DSCAML1: variants seen among roughly 807,000 people sequenced by gnomAD.
DSCAML1 encodes DS cell adhesion molecule like 1.
Under a neutral mutation model 200.5 loss-of-function variants are expected in DSCAML1, and 38 were observed. That is an observed-to-expected ratio of 0.19 (90% CI 0.15 to 0.25). The LOEUF (loss-of-function observed/expected upper bound fraction) is 0.25. Ranked by LOEUF, DSCAML1 falls within the 10% of genes least tolerant of loss-of-function variation. DSCAML1 has a pLI of 1.00. For missense variants in DSCAML1, 2,223 were observed against 2,858.8 expected (o/e 0.78, Z 5.07); for synonymous variants, 1,215 against 1,165.0 (o/e 1.04, Z -0.87).
chr11:117,768,599 C>T (rs77735655), intron 3 of DSCAML1, among the ~76,000 whole-genome samples: 3,612 of 152,278 alleles, frequency 0.024, 145 homozygotes, highest in African/African-American at 0.081. Flanking sequence ...GGCAATTTCT[C>T]TGATGCATTT....
Position 117,626,210 on chromosome 11 carries a change from TC to T in DSCAML1, c.512-93689del, listed in dbSNP as rs1334310658. Among the ~76,000 whole-genome samples, 247 of 115,534 alleles carry T rather than the reference TC, an allele frequency of 2.1e-3. 1 individual carries two copies. Among genetic ancestry groups the T allele is most frequent in the African/African-American group, 7.6e-3 (237 of 31,342 alleles). 75.8% of individuals were successfully genotyped at this position (115,534 alleles called of 152,430 possible). On this transcript the variant is annotated intron_variant, in intron 3 of 32. Transcript: ENST00000651296. ...CCACTCTTGCTGAGACCCCCCCCCC[TC>T]CTTCTTCTGGCATGAGACCTGGTCA... is the stretch of plus-strand genomic sequence containing the variant.
At chr11:117,773,532 C>CACACACACACACAA (rs1286717951) in intron 3 of DSCAML1, among the ~76,000 whole-genome samples, 1 of 85,512 alleles carries the variant, frequency 1.2e-5, no homozygotes. Context: ...TCAAAATGCA[C>CACACACACACACAA]ACACACACAC....
intron 3 of DSCAML1, among the ~76,000 whole-genome samples, chr11:117,603,995 C>A (rs773840592): frequency 6.6e-6 from 1 of 152,236 alleles, no homozygotes; most frequent in African/African-American, 2.4e-5. Flanking sequence ...GCTGGGCAGA[C>A]GACTTGGCCA....
At chr11:117,451,656 A>T (rs1392801393) in intron 19 of DSCAML1, among the ~76,000 whole-genome samples, 5 of 152,124 alleles carry the variant, frequency 3.3e-5, no homozygotes, top group Non-Finnish European at 7.4e-5. Flanking sequence ...CTCTATAAAA[A>T]ATACAAAAAT....
rs148039936 is a variant in DSCAML1, at chr11:117,562,689, C to T, written c.512-30167G>A. ...ATGAATGAATGAACAAATGAATGAA[C>T]GAATGAAGGTGCTTAACTTTTCTCC... is the stretch of plus-strand genomic sequence containing the variant. On this transcript the variant is annotated intron_variant, in intron 3 of 32. Coordinates refer to ENST00000651296, the MANE Select transcript of DSCAML1 (RefSeq NM_020693.4). Among the ~76,000 whole-genome samples, 12 of 152,280 alleles carry T rather than the reference C, an allele frequency of 7.9e-5. No homozygotes were observed. In the East Asian group the frequency reaches 2.1e-3, roughly 27 times the overall value.
chr11:117,805,949 C>T (rs920619579), intron 1 of DSCAML1, among the ~76,000 whole-genome samples: 13 of 152,188 alleles, frequency 8.5e-5, no homozygotes, highest in African/African-American at 2.4e-4. Context: ...AGGTGAAGGG[C>T]GTCCCAGGTC....
At chr11:117,599,955 C>T (rs538150620) in intron 3 of DSCAML1, among the ~76,000 whole-genome samples, 1 of 152,246 alleles carries the variant, frequency 6.6e-6, no homozygotes, top group Admixed American at 6.5e-5. Flanking sequence ...GGGCCAGGCT[C>T]TGTATTTGAA....
intron 3 of DSCAML1, among the ~76,000 whole-genome samples, chr11:117,602,569 C>T (rs1038531786): frequency 1.3e-5 from 2 of 152,080 alleles, no homozygotes; most frequent in Admixed American, 1.3e-4. Context: ...CCATGTTGCC[C>T]AGGCTGGTCT....
chr11:117,596,829 A>C (rs1449519773), intron 3 of DSCAML1, among the ~76,000 whole-genome samples: 1 of 152,256 alleles, frequency 6.6e-6, no homozygotes, highest in African/African-American at 2.4e-5. Context: ...TTTTGAATGC[A>C]GAGGCAAACC....
chr11:117,459,836 C>T (rs1592610224), intron 18 of DSCAML1, among the ~76,000 whole-genome samples: 1 of 152,238 alleles, frequency 6.6e-6, no homozygotes, highest in Non-Finnish European at 1.5e-5. Flanking sequence ...TGGTCCAGGG[C>T]AGGCAAAAGG....
intron 3 of DSCAML1, among the ~76,000 whole-genome samples, chr11:117,756,931 G>A (rs1183710553): frequency 6.6e-6 from 1 of 152,176 alleles, no homozygotes; most frequent in East Asian, 1.9e-4. Context: ...CTGTAGAATT[G>A]GGGTTGCTTT....
At chr11:117,710,888 C>T (rs2137768389) in intron 3 of DSCAML1, among the ~76,000 whole-genome samples, 1 of 152,246 alleles carries the variant, frequency 6.6e-6, no homozygotes, top group Non-Finnish European at 1.5e-5. Context: ...GCACATCGAG[C>T]CCTAAGCCAC....
rs181327073 is a variant in DSCAML1, at chr11:117,530,505, C to G, written c.658+1871G>C. Among the ~76,000 whole-genome samples, 1,439 of 152,284 alleles carry G rather than the reference C, an allele frequency of 9.4e-3. 27 individuals carry two copies. The highest frequency in any genetic ancestry group is 0.033 in the African/African-American group (1,370 of 41,558). On this transcript the variant is annotated intron_variant, in intron 4 of 32. Coordinates refer to ENST00000651296, the MANE Select transcript of DSCAML1 (RefSeq NM_020693.4). ...AAAGATGGGGCTGCACGGAGCAGCC[C>G]CGTCCCCTACTCTTATGACAGCACG... is the stretch of plus-strand genomic sequence containing the variant.
chr11:117,797,145 C>G lies in DSCAML1; in HGVS notation c.-66G>C. The G allele has an allele frequency of 1.3e-6, 2 of 1,590,470 alleles. No individual in the cohort carries two copies. Among genetic ancestry groups the G allele is most frequent in the Non-Finnish European group, 1.7e-6 (2 of 1,169,688 alleles). On this transcript the variant is annotated 5_prime_UTR_variant, in exon 1 of 33. Transcript: ENST00000651296. ...GCCGGCCGTGCGGCAGCGCCTCTCCCCCGCTCAGCGCGCTCCCAGCCGCCC... is the reference window on the plus strand; with the variant it reads ...GCCGGCCGTGCGGCAGCGCCTCTCCGCCGCTCAGCGCGCTCCCAGCCGCCC...
Position 117,655,743 on chromosome 11 carries a change from A to C in DSCAML1, c.511+121048T>G, listed in dbSNP as rs542430772. On this transcript the variant is annotated intron_variant, in intron 3 of 32. Coordinates refer to ENST00000651296, the MANE Select transcript of DSCAML1 (RefSeq NM_020693.4). ...GTCAGGTGCCATGAGGATTTTGTTT[A>C]ATCTCAGGATGGAGATGCTGGGGAG... is the stretch of plus-strand genomic sequence containing the variant. Among the ~76,000 whole-genome samples the C allele has an allele frequency of 6.6e-5, 10 of 152,300 alleles. No individual in the cohort carries two copies. The South Asian group carries it at 2.1e-3, about 32-fold the overall frequency.
chr11:117,547,168 A>C (rs1302428029), intron 3 of DSCAML1, among the ~76,000 whole-genome samples: 1 of 152,166 alleles, frequency 6.6e-6, no homozygotes, highest in Non-Finnish European at 1.5e-5. Context: ...CGTCCGCTGC[A>C]CATGGCAGAG....
chr11:117,440,008 C>A (rs1565680517), intron 21 of DSCAML1, 72 bp from the exon 22 acceptor site: 4 of 1,335,130 alleles, frequency 3.0e-6, no homozygotes, highest in Non-Finnish European at 4.3e-6. Context: ...TTCCTTAGGG[C>A]CCCCTGGATT....
At chr11:117,809,624 A>G (rs1279401481) in intron 1 of DSCAML1, among the ~76,000 whole-genome samples, 3 of 151,912 alleles carry the variant, frequency 2.0e-5, no homozygotes, top group Non-Finnish European at 4.4e-5. Context: ...GGCTGGGCTC[A>G]CTCCCTGCCC....
At chr11:117,515,594 C>T (rs1390724439) in intron 8 of DSCAML1, among the ~76,000 whole-genome samples, 1 of 139,566 alleles carries the variant, frequency 7.2e-6, no homozygotes, top group East Asian at 2.0e-4. Context: ...ATGTCAAGGG[C>T]CCAGGAGGGA....
Sources: gnomAD v4.1 joint callset for allele counts (sites outside exome capture counted in the v4.1 genomes callset) on GRCh38, gnomAD v4.1.1 for gene constraint, MANE v1.5 for transcripts, NCBI Gene and HGNC (gene_info 2026-07-23, HGNC 2026-07-21) for gene names.